Variants in ACER1 observed in about 807,000 individuals in gnomAD.
ACER1 encodes CTB-180A7.3.
Under a neutral mutation model 24.9 loss-of-function variants are expected in ACER1, and 28 were observed. That is an observed-to-expected ratio of 1.13 (90% confidence interval 0.83 to 1.54). The LOEUF (loss-of-function observed/expected upper bound fraction) is 1.54. Ranked by LOEUF, ACER1 falls within the 40% of genes most tolerant of loss-of-function variation. ACER1 has a pLI of 0.00. For synonymous variants in ACER1, 132 were observed against 131.4 expected, an observed-to-expected ratio of 1.00 and a Z score of -0.03; for missense variants, 352 against 349.3, an observed-to-expected ratio of 1.01 and a Z score of -0.06.
chr19:6,336,796 G>A (rs2091715828), upstream of ACER1, among the ~76,000 whole-genome samples: 2 of 147,848 alleles, frequency 1.4e-5, no homozygotes, highest in Non-Finnish European at 3.0e-5. Context: ...CTTCAGCCCG[G>A]GCGACAGATC....
At chr19:6,323,173 C>G (rs111847885) in intron 1 of ACER1, among the ~76,000 whole-genome samples, 16,364 of 151,944 alleles carry the variant, frequency 0.11, 1,864 homozygotes, top group African/African-American at 0.29. Context: ...GTAATCCCAG[C>G]ACTTTGGGAG....
At chr19:6,355,642 C>A in the ACER1 span, among the ~76,000 whole-genome samples, 492 of 133,806 alleles carry the variant, frequency 3.7e-3, no homozygotes, top group Non-Finnish European at 5.9e-3. Context: ...GCCCCCCGCC[C>A]GGCCAGCCGC....
the ACER1 span, among the ~76,000 whole-genome samples, chr19:6,357,948 C>G: frequency 6.6e-6 from 1 of 152,094 alleles, no homozygotes; most frequent in Admixed American, 6.6e-5. Context: ...AGACAGGGAA[C>G]ACATCTAAGA....
In ACER1 at chr19:6,315,176, C is replaced by G. The variant is rs528860690; in HGVS notation, c.94-2677G>C. On this transcript the variant is annotated intron_variant, in intron 1 of 5. Transcript: ENST00000301452. The stretch of plus-strand genomic sequence containing the variant: ...GGGATTACAGGTGTGAGCCACTGCA[C>G]CCGGCCTTATTTATTTATATTTATT... 3.8e-3 allele frequency among the ~76,000 whole-genome samples: 560 copies of G among 147,124 alleles called. 3 individuals carry two copies. The highest frequency in any genetic ancestry group is 0.01 in the Middle Eastern group (3 of 290).
chr19:6,357,353 CAAGCAGAGTA>C, the ACER1 span, among the ~76,000 whole-genome samples: 2 of 151,842 alleles, frequency 1.3e-5, no homozygotes, highest in Non-Finnish European at 2.9e-5. Flanking sequence ...GGCTTGACTC[CAAGCAGAGTA>C]AAGCAGAGGC....
chr19:6,352,698 A>C, the ACER1 span, among the ~76,000 whole-genome samples: 2 of 152,222 alleles, frequency 1.3e-5, no homozygotes, highest in Non-Finnish European at 2.9e-5. Context: ...AAATAACTGG[A>C]AGTGGGTTCT....
At chr19:6,309,927 A>G (rs1474994617) in intron 3 of ACER1, 93 bp from the exon 4 acceptor site, 9 of 1,511,252 alleles carry the variant, frequency 6.0e-6, no homozygotes, top group Non-Finnish European at 8.1e-6. Context: ...GGTGGGTGAG[A>G]AAAGGACAGG....
At chr19:6,348,600 T>C in the ACER1 span, among the ~76,000 whole-genome samples, 1 of 151,772 alleles carries the variant, frequency 6.6e-6, no homozygotes, top group African/African-American at 2.4e-5. Flanking sequence ...TACAGGAGAC[T>C]AGTTAACTAA....
At chr19:6,332,867 C>T (rs977927644) in intron 1 of ACER1, among the ~76,000 whole-genome samples, 7 of 152,214 alleles carry the variant, frequency 4.6e-5, no homozygotes, top group African/African-American at 1.7e-4. Context: ...TGGGCTTTCA[C>T]CACGTTGCCC....
Position 6,307,143 on chromosome 19 carries a change from A to G in ACER1, c.626+10T>C, listed in dbSNP as rs978389478. The G allele has an allele frequency of 1.2e-6, 2 of 1,613,900 alleles. No individual in the cohort carries two copies. The highest frequency in any genetic ancestry group is 1.3e-5 in the African/African-American group (1 of 75,036). On this transcript the variant is annotated intron_variant, in intron 5 of 5. Transcript: ENST00000301452. ...TCTGGGCCCCCCACAGCCTCAGAGC[A>G]TGTGCTTACCAGATGCTGTGCAGAT... is the stretch of plus-strand genomic sequence containing the variant.
chr19:6,316,979 TTTTTTTTTTTCTGAGATGGAGTCTCAC>T (rs1418977394), intron 1 of ACER1, among the ~76,000 whole-genome samples: 2 of 145,622 alleles, frequency 1.4e-5, no homozygotes, highest in African/African-American at 2.5e-5. Flanking sequence ...TTTTTTTTTT[TTTTTTTTTTTCTGAGATGGAGTCTCAC>T]TCTGTCACCC....
At chr19:6,351,659 G>A in the ACER1 span, among the ~76,000 whole-genome samples, 3 of 151,172 alleles carry the variant, frequency 2.0e-5, no homozygotes, top group Admixed American at 2.0e-4. Context: ...CTTGAGCCTG[G>A]GAGGTCAAGA....
the ACER1 span, among the ~76,000 whole-genome samples, chr19:6,356,075 G>C: frequency 6.6e-6 from 1 of 151,524 alleles, no homozygotes; most frequent in Non-Finnish European, 1.5e-5. Flanking sequence ...TGGTTGCCAT[G>C]TCTGTGTAGA....
intron 1 of ACER1, among the ~76,000 whole-genome samples, chr19:6,330,037 A>G (rs2091679904): frequency 6.6e-6 from 1 of 150,614 alleles, no homozygotes; most frequent in African/African-American, 2.4e-5. Context: ...CGCCCAGCTA[A>G]TTTTTTTGTA....
At chr19:6,310,364 G>T (rs951128111) in intron 3 of ACER1, among the ~76,000 whole-genome samples, 1 of 151,994 alleles carries the variant, frequency 6.6e-6, no homozygotes, top group Admixed American at 6.6e-5. Flanking sequence ...TAGGATTACC[G>T]GCATGAGTCA....
At chr19:6,352,976 A>G in the ACER1 span, among the ~76,000 whole-genome samples, 1 of 152,200 alleles carries the variant, frequency 6.6e-6, no homozygotes, top group Non-Finnish European at 1.5e-5. Context: ...GAGCCAAAAT[A>G]CTCATTCATT....
At chr19:6,352,205 C>T in the ACER1 span, among the ~76,000 whole-genome samples, 1 of 152,168 alleles carries the variant, frequency 6.6e-6, no homozygotes, top group East Asian at 1.9e-4. Flanking sequence ...CACTCCTCCG[C>T]CGAGTCTATT....
intron 1 of ACER1, among the ~76,000 whole-genome samples, chr19:6,328,333 A>G (rs2091671121): frequency 6.6e-6 from 1 of 151,710 alleles, no homozygotes; most frequent in South Asian, 2.1e-4. Context: ...TCTACTAAAA[A>G]TACAAAAATT....
the ACER1 span, among the ~76,000 whole-genome samples, chr19:6,355,881 G>A: frequency 2.9e-4 from 40 of 136,586 alleles, 2 homozygotes; most frequent in African/African-American, 8.8e-4. Context: ...CAGCCGCCTC[G>A]GTCCGGGAGG....
Sources: allele counts gnomAD v4.1 joint callset (sites outside exome capture counted in the v4.1 genomes callset), GRCh38; gene constraint gnomAD v4.1.1; transcripts MANE v1.5; gene names NCBI Gene and HGNC (gene_info 2026-07-23, HGNC 2026-07-21).